Variants in STXBP5L observed in about 807,000 individuals in gnomAD.
The protein encoded by STXBP5L is syntaxin binding protein 5L, also known as syntaxin-binding protein 5-like.
In STXBP5L, 65 loss-of-function variants were observed where a neutral mutation model predicts 144.5. That is an observed-to-expected ratio of 0.45 (90% CI 0.37 to 0.55). STXBP5L has a LOEUF of 0.55. Ranked by LOEUF, STXBP5L falls within the 20% of genes least tolerant of loss-of-function variation. The pLI is 0.00. For missense variants in STXBP5L, 1,298 were observed against 1,405.5 expected, an observed-to-expected ratio of 0.92 and a Z score of 1.22; for synonymous variants, 505 against 469.6, an observed-to-expected ratio of 1.08 and a Z score of -0.97.
intron 5 of STXBP5L, among the ~76,000 whole-genome samples, chr3:121,069,177 G>A (rs1225910416): frequency 2.0e-5 from 3 of 151,940 alleles, no homozygotes; most frequent in African/African-American, 4.8e-5. Flanking sequence ...TATTTCTAAC[G>A]CCTGGAATTC....
At chr3:121,208,983 T>C (rs2048447595) in intron 10 of STXBP5L, among the ~76,000 whole-genome samples, 1 of 152,106 alleles carries the variant, frequency 6.6e-6, no homozygotes, top group Non-Finnish European at 1.5e-5. Flanking sequence ...GTATTCTCAT[T>C]GTTCGATTCC....
intron 9 of STXBP5L, among the ~76,000 whole-genome samples, chr3:121,191,071 G>A (rs1029228489): frequency 2.0e-5 from 3 of 151,872 alleles, no homozygotes; most frequent in African/African-American, 7.3e-5. Flanking sequence ...TGGCCAGGCA[G>A]AGGGGCTCCT....
chr3:121,251,185 A>C (rs558428372), intron 15 of STXBP5L, among the ~76,000 whole-genome samples: 1 of 152,290 alleles, frequency 6.6e-6, no homozygotes, highest in African/African-American at 2.4e-5. Context: ...TTTGATAACT[A>C]TAAGAACTCT....
chr3:121,090,671 T>C (rs1368596372), intron 5 of STXBP5L, among the ~76,000 whole-genome samples: 1 of 152,082 alleles, frequency 6.6e-6, no homozygotes, highest in Non-Finnish European at 1.5e-5. Context: ...AGAGTAATCA[T>C]TTTTGGTCAT....
At chr3:120,950,666 A>G (rs1475094726) in intron 2 of STXBP5L, among the ~76,000 whole-genome samples, 2 of 152,224 alleles carry the variant, frequency 1.3e-5, no homozygotes, top group Non-Finnish European at 1.5e-5. Flanking sequence ...GATACAAACA[A>G]ATGGAAGAAC....
chr3:121,022,564 A>T (rs528599605), intron 3 of STXBP5L, among the ~76,000 whole-genome samples: 20 of 152,306 alleles, frequency 1.3e-4, no homozygotes, highest in African/African-American at 4.6e-4. Context: ...ATCCACCATG[A>T]TCAAGTGGGT....
chr3:121,330,371 C>T (rs1291207984), intron 20 of STXBP5L, among the ~76,000 whole-genome samples: 3 of 152,194 alleles, frequency 2.0e-5, no homozygotes, highest in Non-Finnish European at 1.5e-5. Flanking sequence ...ACCCCAGCAG[C>T]AGAGAACTGC....
At chr3:121,349,094 T>C (rs1323567868) in intron 20 of STXBP5L, among the ~76,000 whole-genome samples, 1 of 152,134 alleles carries the variant, frequency 6.6e-6, no homozygotes, top group Non-Finnish European at 1.5e-5. Context: ...TGTGGGCATT[T>C]AGTGCTATAC....
intron 23 of STXBP5L, chr3:121,407,804 T>A: frequency 1.5e-6 from 1 of 676,218 alleles, no homozygotes; most frequent in Non-Finnish European, 2.4e-6. Context: ...TCTTTTCTGC[T>A]AAAAATGCTT....
intron 3 of STXBP5L, among the ~76,000 whole-genome samples, chr3:121,029,690 T>C (rs1156951947): frequency 6.6e-6 from 1 of 152,096 alleles, no homozygotes; most frequent in Non-Finnish European, 1.5e-5. Context: ...TGGGATCTAA[T>C]TAAACTAAAG....
At chr3:121,158,321 GAT>G in intron 9 of STXBP5L, 1 of 152,194 alleles carries the variant, frequency 6.6e-6, no homozygotes, top group African/African-American at 2.4e-5. Context: ...TGTAATAATA[GAT>G]ATGTCAGAAA....
chr3:121,317,967 G>A (rs1247752988), intron 19 of STXBP5L, among the ~76,000 whole-genome samples: 2 of 151,914 alleles, frequency 1.3e-5, no homozygotes, highest in East Asian at 3.8e-4. Flanking sequence ...ATTTGATTAG[G>A]TATTGTTAAA....
intron 5 of STXBP5L, among the ~76,000 whole-genome samples, chr3:121,084,734 T>C (rs1305309961): frequency 6.6e-6 from 1 of 152,210 alleles, no homozygotes; most frequent in Admixed American, 6.5e-5. Context: ...GTAATGAGAT[T>C]GCTGGGTCAA....
At chr3:121,006,434 GC>G (rs1264837451) in intron 3 of STXBP5L, among the ~76,000 whole-genome samples, 1 of 151,928 alleles carries the variant, frequency 6.6e-6, no homozygotes, top group African/African-American at 2.4e-5. Flanking sequence ...TTTATTTTGA[GC>G]CTATGTGTGT....
intron 11 of STXBP5L, among the ~76,000 whole-genome samples, chr3:121,231,800 G>A (rs2049318820): frequency 6.6e-6 from 1 of 152,126 alleles, no homozygotes; most frequent in Non-Finnish European, 1.5e-5. Flanking sequence ...TAATTAGGCT[G>A]TTTCTGTGCC....
intron 9 of STXBP5L, among the ~76,000 whole-genome samples, chr3:121,186,182 T>C (rs1317477684): frequency 6.6e-6 from 1 of 152,216 alleles, no homozygotes; most frequent in Non-Finnish European, 1.5e-5. Flanking sequence ...ACCTATCAGC[T>C]TAAGGAGGTT....
intron 13 of STXBP5L, among the ~76,000 whole-genome samples, chr3:121,239,781 C>T (rs553595736): frequency 5.7e-4 from 86 of 151,066 alleles, no homozygotes; most frequent in African/African-American, 1.9e-3. Flanking sequence ...GTGGGTGCAG[C>T]GCACCAGCAT....
intron 23 of STXBP5L, among the ~76,000 whole-genome samples, chr3:121,412,564 G>A (rs781052787): frequency 3.9e-5 from 6 of 151,946 alleles, no homozygotes; most frequent in Non-Finnish European, 5.9e-5. Context: ...GTTAATTTTT[G>A]TAAGATTTCT....
At chr3:120,938,227 A>T (rs763697299) in intron 2 of STXBP5L, among the ~76,000 whole-genome samples, 12 of 152,090 alleles carry the variant, frequency 7.9e-5, no homozygotes, top group Non-Finnish European at 1.2e-4. Flanking sequence ...TTTCTACTTA[A>T]TATATTATTA....
Sources: allele counts gnomAD v4.1 joint callset (sites outside exome capture counted in the v4.1 genomes callset), GRCh38; gene constraint gnomAD v4.1.1; transcripts MANE v1.5; gene names NCBI Gene and HGNC (gene_info 2026-07-23, HGNC 2026-07-21).